The following GRIN2B variants were observed in gnomAD, a reference collection of about 807,000 sequenced individuals.
The protein encoded by GRIN2B is glutamate ionotropic receptor NMDA type subunit 2B.
Under a neutral mutation model 114.5 loss-of-function variants are expected in GRIN2B, and 5 were observed. That is an observed-to-expected ratio of 0.04 (90% CI 0.02 to 0.09). The LOEUF (loss-of-function observed/expected upper bound fraction) is 0.09, where lower values mean the gene tolerates loss of function less well. GRIN2B is among the 10% of genes least tolerant of loss of function. The pLI, the probability that GRIN2B is intolerant of heterozygous loss-of-function variation, is 1.00. For missense variants in GRIN2B, 1,108 were observed against 1,943.5 expected, an observed-to-expected ratio of 0.57 and a Z score of 8.08; for synonymous variants, 787 against 745.1, an observed-to-expected ratio of 1.06 and a Z score of -0.92.
chr12:13,791,468 A>AT (rs1346062232), intron 3 of GRIN2B, among the ~76,000 whole-genome samples: 1 of 151,558 alleles, frequency 6.6e-6, no homozygotes, highest in African/African-American at 2.4e-5. Flanking sequence ...AAAAATAAAA[A>AT]AAAAAAATTC....
At chr12:13,660,056 G>C (rs1318268960) in intron 5 of GRIN2B, among the ~76,000 whole-genome samples, 1 of 152,130 alleles carries the variant, frequency 6.6e-6, no homozygotes, top group Non-Finnish European at 1.5e-5. Flanking sequence ...ACTTGGGCAG[G>C]GTTGCTCACA....
chr12:13,547,925 G>C lies in GRIN2B; in HGVS notation c.*14858C>G, dbSNP rs1291260542. 1 of 139,342 alleles carries C rather than the reference G, an allele frequency of 7.2e-6. No individual in the cohort carries two copies. The highest frequency in any genetic ancestry group is 1.5e-5 in the Non-Finnish European group (1 of 65,372). 8.6% of individuals were successfully genotyped at this position (139,342 alleles called of 1,614,324 possible). A position where few individuals can be genotyped will look rare whatever the true frequency, so the allele number is the denominator to read the frequency against. ...CTGTCAATAGGCCTTACCCAAACAGGGTTATGTATATGTATGTATGTATGT... is the reference window on the plus strand; with the variant it reads ...CTGTCAATAGGCCTTACCCAAACAGCGTTATGTATATGTATGTATGTATGT... On this transcript the variant is annotated 3_prime_UTR_variant, in exon 14 of 14. Transcript: ENST00000609686.
chr12:13,945,160 G>C (rs1337856330), intron 2 of GRIN2B, among the ~76,000 whole-genome samples: 4 of 152,130 alleles, frequency 2.6e-5, no homozygotes, highest in African/African-American at 9.7e-5. Context: ...ACAAATTGTG[G>C]CAGGCCAAAA....
At chr12:13,628,309 C>A (rs1301546602) in intron 5 of GRIN2B, among the ~76,000 whole-genome samples, 9 of 152,056 alleles carry the variant, frequency 5.9e-5, no homozygotes, top group Non-Finnish European at 1.2e-4. Flanking sequence ...TGCAGAAGAC[C>A]CCTGGGAGTC....
At chr12:13,769,933 G>A (rs1346359862) in intron 3 of GRIN2B, among the ~76,000 whole-genome samples, 1 of 152,228 alleles carries the variant, frequency 6.6e-6, no homozygotes, top group Admixed American at 6.5e-5. Flanking sequence ...ATATCAAGCA[G>A]ATGTTAAACT....
intron 2 of GRIN2B, among the ~76,000 whole-genome samples, chr12:13,953,816 C>T (rs1404024977): frequency 6.6e-6 from 1 of 152,190 alleles, no homozygotes; most frequent in Non-Finnish European, 1.5e-5. Flanking sequence ...ATGGGGTTGG[C>T]CATGCCCCAT....
At chr12:13,842,965 C>T (rs1355151843) in intron 3 of GRIN2B, among the ~76,000 whole-genome samples, 1 of 130,434 alleles carries the variant, frequency 7.7e-6, no homozygotes, top group Non-Finnish European at 1.7e-5. Flanking sequence ...TTTCAAAACA[C>T]TGCTTTTTAA....
Position 13,790,564 on chromosome 12 carries a change from C to T in GRIN2B, c.412-36649G>A, listed in dbSNP as rs747524852. Among the ~76,000 whole-genome samples the T allele has an allele frequency of 7.9e-5, 12 of 152,276 alleles. No homozygotes were observed. In the East Asian group the frequency reaches 2.1e-3, roughly 27 times the overall value. ...TTAAACACAGTGACATGAGGTCTGC[C>T]GAGGTCCCTCATTATATTTTCCATA... On this transcript the variant is annotated intron_variant, in intron 3 of 13. Transcript: ENST00000609686.
intron 12 of GRIN2B, among the ~76,000 whole-genome samples, chr12:13,567,904 A>ATCCC (rs1316864751): frequency 3.9e-5 from 6 of 152,186 alleles, no homozygotes; most frequent in East Asian, 1.9e-4. Flanking sequence ...TATATTATAG[A>ATCCC]CAGTGGGGAA....
At chr12:13,774,399 G>C (rs1863964893) in intron 3 of GRIN2B, among the ~76,000 whole-genome samples, 1 of 152,196 alleles carries the variant, frequency 6.6e-6, no homozygotes, top group South Asian at 2.1e-4. Context: ...ATGGAAACCA[G>C]TGTGACTTCA....
intron 3 of GRIN2B, among the ~76,000 whole-genome samples, chr12:13,855,009 G>A (rs375768977): frequency 2.7e-4 from 38 of 141,522 alleles, no homozygotes; most frequent in African/African-American, 9.2e-4. Context: ...TCAAGAGTTT[G>A]AGACCTGCCT....
At chr12:13,741,115 C>T (rs778554535) in intron 4 of GRIN2B, among the ~76,000 whole-genome samples, 1 of 152,192 alleles carries the variant, frequency 6.6e-6, no homozygotes, top group African/African-American at 2.4e-5. Flanking sequence ...ACTGCAACCT[C>T]CACCTCCCGG....
At chr12:13,958,182 C>T (rs1867625847) in intron 2 of GRIN2B, among the ~76,000 whole-genome samples, 1 of 152,190 alleles carries the variant, frequency 6.6e-6, no homozygotes, top group Non-Finnish European at 1.5e-5. Flanking sequence ...AGGATTAATT[C>T]TAGGCTGAGT....
intron 2 of GRIN2B, among the ~76,000 whole-genome samples, chr12:13,870,616 A>C (rs190693954): frequency 2.0e-5 from 3 of 152,272 alleles, no homozygotes; most frequent in African/African-American, 7.2e-5. Context: ...GAAGAATAAA[A>C]TGTGACTTAA....
At chr12:13,684,176 A>C (rs1416692444) in intron 4 of GRIN2B, among the ~76,000 whole-genome samples, 1 of 152,100 alleles carries the variant, frequency 6.6e-6, no homozygotes, top group African/African-American at 2.4e-5. Context: ...CTTCAATATA[A>C]AGTTCACTTT....
At chr12:13,921,251 A>G (rs1172440331) in intron 2 of GRIN2B, among the ~76,000 whole-genome samples, 3 of 152,078 alleles carry the variant, frequency 2.0e-5, no homozygotes, top group Non-Finnish European at 4.4e-5. Flanking sequence ...ACAACACATT[A>G]GCCAGCTGTG....
intron 3 of GRIN2B, among the ~76,000 whole-genome samples, chr12:13,849,735 T>C (rs1172631449): frequency 6.6e-6 from 1 of 152,206 alleles, no homozygotes; most frequent in Non-Finnish European, 1.5e-5. Flanking sequence ...GCATATGGCC[T>C]GTTCCCATCT....
rs1325101980 is a variant in GRIN2B, at chr12:13,556,394, T to A, written c.*6389A>T. The A allele has an allele frequency of 6.6e-6, 1 of 152,200 alleles. No individual in the cohort carries two copies. The highest frequency in any genetic ancestry group is 1.5e-5 in the Non-Finnish European group (1 of 68,022). 9.4% of individuals were successfully genotyped at this position (152,200 alleles called of 1,614,324 possible). A position where few individuals can be genotyped will look rare whatever the true frequency, so the allele number is the denominator to read the frequency against. On this transcript the variant is annotated 3_prime_UTR_variant, in exon 14 of 14. Transcript: ENST00000609686. ...TTCTACGTGAGTACAATATACTCCA[T>A]TTTGAAACCTTTTATATCATTCACA...
At chr12:13,748,348 T>C (rs1272550198) in intron 4 of GRIN2B, among the ~76,000 whole-genome samples, 3 of 152,188 alleles carry the variant, frequency 2.0e-5, no homozygotes, top group Non-Finnish European at 2.9e-5. Context: ...ATGTGGCAGG[T>C]GTACCATCAC....
Sources: gnomAD v4.1 joint callset for allele counts (sites outside exome capture counted in the v4.1 genomes callset) on GRCh38, gnomAD v4.1.1 for gene constraint, MANE v1.5 for transcripts, NCBI Gene and HGNC (gene_info 2026-07-23, HGNC 2026-07-21) for gene names.